The following ACTA2 variants were observed in gnomAD, a reference collection of about 807,000 sequenced individuals.
ACTA2 encodes the protein actin, aortic smooth muscle.
ACTA2 carries 12 observed loss-of-function variants against 39.5 expected under a neutral mutation model. That is an observed-to-expected ratio of 0.30 (90% CI 0.19 to 0.49). The LOEUF is 0.49. Among genes scored for constraint, ACTA2 ranks in the 20% least tolerant of loss-of-function variants. The pLI is 0.99. For missense variants in ACTA2, 236 were observed against 498.8 expected (o/e 0.47, Z 5.02); for synonymous variants, 158 against 180.6 (o/e 0.88, Z 1.00).
At chr10:88,939,443 G>T in intron 7 of ACTA2, 64 bp downstream of exon 7, 1 of 1,602,460 alleles carries the variant, frequency 6.2e-7, no homozygotes, top group Non-Finnish European at 8.5e-7. Context: ...ATGTTCTGGA[G>T]GCTGGCTTGA....
intron 3 of ACTA2, among the ~76,000 whole-genome samples, chr10:88,944,356 A>T (rs1158315231): frequency 6.6e-6 from 1 of 152,218 alleles, no homozygotes; most frequent in African/African-American, 2.4e-5. Flanking sequence ...GTTATTGTCC[A>T]GCCCAGTGTC....
intron 1 of ACTA2, among the ~76,000 whole-genome samples, chr10:88,977,291 T>C (rs1198253970): frequency 6.6e-6 from 1 of 151,576 alleles, no homozygotes; most frequent in African/African-American, 2.4e-5. Flanking sequence ...GTTTTTATGG[T>C]TTTAGGTCTA....
chr10:88,941,675 G>T, intron 5 of ACTA2, 110 bp downstream of exon 5: 1 of 1,019,602 alleles, frequency 9.8e-7, no homozygotes, highest in Non-Finnish European at 1.5e-6. Flanking sequence ...GGGTTCAGCC[G>T]TGTCCATTCT....
At chr10:88,935,537 G>A (rs954663360) in intron 8 of ACTA2, 171 bp from the exon 9 acceptor site, 5 of 687,522 alleles carry the variant, frequency 7.3e-6, no homozygotes, top group South Asian at 3.4e-5. Flanking sequence ...TTCTTGGCAG[G>A]ACCGCCAGAG....
intron 3 of ACTA2, among the ~76,000 whole-genome samples, chr10:88,944,222 T>G (rs1334649765): frequency 6.6e-6 from 1 of 152,134 alleles, no homozygotes; most frequent in South Asian, 2.1e-4. Context: ...ACTTCTTAGT[T>G]GTGTGAGCTT....
At chr10:88,963,871 T>C (rs553519011) in intron 1 of ACTA2, among the ~76,000 whole-genome samples, 173 of 152,312 alleles carry the variant, frequency 1.1e-3, no homozygotes, top group Non-Finnish European at 2.1e-3. Context: ...ACTTGTCTTT[T>C]TTTCTGCATG....
intron 1 of ACTA2, among the ~76,000 whole-genome samples, chr10:88,989,981 C>T (rs1261471907): frequency 6.6e-6 from 1 of 151,742 alleles, no homozygotes; most frequent in Non-Finnish European, 1.5e-5. Flanking sequence ...CACCAGAGCA[C>T]GAAAGAATTA....
In ACTA2 at chr10:88,948,173, A is replaced by G. The variant is rs116400823; in HGVS notation, c.129+629T>C. On this transcript the variant is annotated intron_variant, in intron 2 of 8. Coordinates refer to ENST00000224784, the MANE Select transcript of ACTA2 (RefSeq NM_001613.4). The stretch of plus-strand genomic sequence containing the variant: ...TCATTGGGAGAGGTTTCTATTATTT[A>G]TTCTCATGAATATATCCCAAGCAGA... The G allele has an allele frequency of 9.7e-3, 1,530 of 158,040 alleles. 25 individuals are homozygous for G. The highest frequency in any genetic ancestry group is 0.035 in the African/African-American group (1,455 of 41,526). The allele number at this position is 158,040 out of a possible 1,614,324, so 9.8% of individuals were successfully genotyped here.
At position 88,943,906 on chromosome 10, in the gene ACTA2, A is replaced by G; in HGVS notation, c.260T>C (p.Ile87Thr). Reference protein sequence around the residue: ...IITNWDDMEKIWHHSFYNELR... With the variant: ...IITNWDDMEKTWHHSFYNELR... ...CTCATTGTAGAAAGAGTGGTGCCAG[A>G]TCTAGTGAGTTGGGGGACAGAGGAG... The change falls in exon 4 of 9, where the codon ATC becomes ACC. Residue 87 changes from isoleucine to threonine, a missense_variant and splice_region_variant. By Grantham distance (89) the Ile-to-Thr change is moderately conservative. Coordinates refer to ENST00000224784, the MANE Select transcript of ACTA2 (RefSeq NM_001613.4). The G allele has an allele frequency of 6.2e-7, 1 of 1,613,606 alleles. No homozygotes were observed.
chr10:88,940,222 G>T (rs1245387694), intron 6 of ACTA2: 3 of 199,236 alleles, frequency 1.5e-5, no homozygotes, highest in African/African-American at 2.3e-5. Flanking sequence ...GAAAGAGGTG[G>T]TGCTGTCTCA....
chr10:88,940,978 A>G (rs925355623), intron 6 of ACTA2: 30 of 453,662 alleles, frequency 6.6e-5, no homozygotes, highest in Non-Finnish European at 1.2e-4. Context: ...AGGGGATTAA[A>G]AAAAGATCAA....
chr10:88,980,137 T>C (rs759187014), intron 1 of ACTA2, among the ~76,000 whole-genome samples: 1 of 152,184 alleles, frequency 6.6e-6, no homozygotes, highest in Non-Finnish European at 1.5e-5. Context: ...CCTTCTGGTC[T>C]GGACAGAAAT....
intron 1 of ACTA2, among the ~76,000 whole-genome samples, chr10:88,951,693 C>A (rs967907726): frequency 2.0e-5 from 3 of 152,150 alleles, no homozygotes; most frequent in African/African-American, 4.8e-5. Flanking sequence ...CGAGTGTCTG[C>A]TTTTGGAACT....
intron 1 of ACTA2, among the ~76,000 whole-genome samples, chr10:88,981,939 C>T (rs1444033654): frequency 6.6e-6 from 1 of 152,144 alleles, no homozygotes; most frequent in African/African-American, 2.4e-5. Flanking sequence ...TGAACTTGAT[C>T]GAGTTACCTC....
At chr10:88,941,977 G>T (rs1845863569) in intron 4 of ACTA2, 108 bp from the exon 5 acceptor site, 3 of 981,310 alleles carry the variant, frequency 3.1e-6, no homozygotes, top group Admixed American at 2.0e-5. Flanking sequence ...CCTGTTCTGG[G>T]CAGAGGAGGC....
intron 1 of ACTA2, among the ~76,000 whole-genome samples, chr10:88,969,051 G>A (rs1480028224): frequency 2.6e-5 from 4 of 152,010 alleles, no homozygotes; most frequent in Non-Finnish European, 5.9e-5. Context: ...GGAAGGGTCT[G>A]GAAAGCTGTT....
intron 1 of ACTA2, chr10:88,973,277 G>T: frequency 1.2e-6 from 2 of 1,612,396 alleles, no homozygotes; most frequent in East Asian, 2.2e-5. Context: ...CACTCTTGGG[G>T]ATCTCTAGGT....
At chr10:88,973,440 T>A (rs1237137306) in intron 1 of ACTA2, 1 of 1,093,020 alleles carries the variant, frequency 9.1e-7, no homozygotes, top group African/African-American at 1.6e-5. Context: ...TATCTCTGCC[T>A]TTCCTTTCTA....
intron 1 of ACTA2, among the ~76,000 whole-genome samples, chr10:88,949,971 C>G (rs1264479203): frequency 6.6e-6 from 1 of 152,008 alleles, no homozygotes; most frequent in Non-Finnish European, 1.5e-5. Context: ...ATACTTGGAT[C>G]TTATACTTGG....
Sources: gnomAD v4.1 joint callset for allele counts (sites outside exome capture counted in the v4.1 genomes callset) on GRCh38, gnomAD v4.1.1 for gene constraint, MANE v1.5 for transcripts, NCBI Gene and HGNC (gene_info 2026-07-23, HGNC 2026-07-21) for gene names.